The following ITGA8 variants were observed in gnomAD, a reference collection of about 807,000 sequenced individuals.
The protein encoded by ITGA8 is integrin subunit alpha 8.
Under a neutral mutation model 142.3 loss-of-function variants are expected in ITGA8, and 91 were observed. The ratio of observed to expected loss-of-function variants is 0.64; its 90% confidence interval spans 0.54 to 0.76. The LOEUF (loss-of-function observed/expected upper bound fraction) is 0.76, where lower values mean the gene tolerates loss of function less well. Among genes scored for constraint, ITGA8 ranks in the 30% least tolerant of loss-of-function variants. ITGA8 has a pLI of 0.00. For synonymous variants in ITGA8, 505 were observed against 485.2 expected, an observed-to-expected ratio of 1.04 and a Z score of -0.54; for missense variants, 1,406 against 1,327.7, an observed-to-expected ratio of 1.06 and a Z score of -0.92.
At chr10:15,577,285 T>G (rs1221767703) in intron 23 of ITGA8, among the ~76,000 whole-genome samples, 1 of 152,134 alleles carries the variant, frequency 6.6e-6, no homozygotes. Flanking sequence ...ATCATATGTA[T>G]TTGAATCTTG....
intron 23 of ITGA8, 46 bp downstream of exon 23, chr10:15,586,538 C>G (rs1420908285): frequency 1.8e-6 from 2 of 1,105,676 alleles, no homozygotes; most frequent in East Asian, 2.4e-5. Context: ...TTTATCTTAA[C>G]TCTACATACA....
At chr10:15,686,723 T>G (rs1834838371) in intron 3 of ITGA8, among the ~76,000 whole-genome samples, 1 of 152,166 alleles carries the variant, frequency 6.6e-6, no homozygotes, top group African/African-American at 2.4e-5. Flanking sequence ...CTCAAAAAAT[T>G]TAGCTTGAAA....
At chr10:15,693,538 A>G (rs1487284515) in intron 2 of ITGA8, among the ~76,000 whole-genome samples, 2 of 152,192 alleles carry the variant, frequency 1.3e-5, no homozygotes, top group East Asian at 1.9e-4. Context: ...CCCAAAGTGC[A>G]CATGACTAAC....
chr10:15,643,820 T>C (rs140502635), intron 13 of ITGA8, among the ~76,000 whole-genome samples: 38 of 152,326 alleles, frequency 2.5e-4, no homozygotes, highest in African/African-American at 8.4e-4. Flanking sequence ...TTTCTATCAT[T>C]GTCTCTTGAC....
intron 2 of ITGA8, among the ~76,000 whole-genome samples, chr10:15,707,850 A>G (rs1280373131): frequency 2.0e-5 from 3 of 151,926 alleles, no homozygotes; most frequent in African/African-American, 4.8e-5. Flanking sequence ...AGAAAAAGAA[A>G]AAAAAGATAA....
At chr10:15,693,989 G>A (rs898691576) in intron 2 of ITGA8, among the ~76,000 whole-genome samples, 2 of 151,108 alleles carry the variant, frequency 1.3e-5, no homozygotes, top group Non-Finnish European at 2.9e-5. Flanking sequence ...CCCTTAAGCT[G>A]GGATGTTGAT....
chr10:15,637,343 C>A (rs1012281880), intron 13 of ITGA8, among the ~76,000 whole-genome samples: 48 of 152,066 alleles, frequency 3.2e-4, no homozygotes, highest in African/African-American at 1.0e-3. Context: ...AGTGCAGGCA[C>A]ACACAACCCA....
At chr10:15,615,533 A>T (rs904324015) in intron 14 of ITGA8, among the ~76,000 whole-genome samples, 2 of 152,122 alleles carry the variant, frequency 1.3e-5, no homozygotes, top group African/African-American at 4.8e-5. Context: ...TTTATTTTTG[A>T]GATGGAGTCT....
intron 25 of ITGA8, among the ~76,000 whole-genome samples, chr10:15,563,290 A>G (rs1834016799): frequency 6.6e-6 from 1 of 152,202 alleles, no homozygotes; most frequent in Non-Finnish European, 1.5e-5. Flanking sequence ...ATGCCCAGTG[A>G]TGGAGGATCT....
intron 2 of ITGA8, among the ~76,000 whole-genome samples, chr10:15,706,385 C>G (rs1161535784): frequency 1.3e-5 from 2 of 151,276 alleles, no homozygotes; most frequent in East Asian, 3.9e-4. Flanking sequence ...ACCTAGTCTC[C>G]TTGCTTGCTT....
At chr10:15,534,847 GC>G (rs1195252420) in intron 27 of ITGA8, among the ~76,000 whole-genome samples, 1 of 152,208 alleles carries the variant, frequency 6.6e-6, no homozygotes, top group Non-Finnish European at 1.5e-5. Flanking sequence ...CGCCTCCTCT[GC>G]CTGGGCTCCA....
rs925225844 is a variant in ITGA8 at position 15,689,869 on chromosome 10, T to G, written c.344-1831A>C. ...GCCCTGCTGCCAGCTACTCAGAGTGTGGGCCCAGCAGAAAAGCTGAATCCA... is the reference window on the plus strand; with the variant it reads ...GCCCTGCTGCCAGCTACTCAGAGTGGGGGCCCAGCAGAAAAGCTGAATCCA... On this transcript the variant is annotated intron_variant, in intron 2 of 29. Transcript: ENST00000378076. Among the ~76,000 whole-genome samples the G allele has an allele frequency of 1.2e-4, 19 of 152,114 alleles. No individual in the cohort carries two copies. The East Asian group carries it at 3.1e-3, about 25-fold the overall frequency.
intron 8 of ITGA8, among the ~76,000 whole-genome samples, chr10:15,670,234 A>G (rs1326246523): frequency 1.3e-5 from 2 of 152,250 alleles, no homozygotes; most frequent in African/African-American, 2.4e-5. Context: ...ATACTGATTG[A>G]TGATTGACTC....
At chr10:15,707,121 C>T (rs762050391) in intron 2 of ITGA8, among the ~76,000 whole-genome samples, 2 of 152,132 alleles carry the variant, frequency 1.3e-5, no homozygotes, top group East Asian at 3.8e-4. Flanking sequence ...AAAAATAATA[C>T]CGCTCAAGAG....
Position 15,634,487 on chromosome 10 carries a change from G to T in ITGA8, c.1399+9543C>A, listed in dbSNP as rs531681312. On this transcript the variant is annotated intron_variant, in intron 13 of 29. Coordinates refer to ENST00000378076, the MANE Select transcript of ITGA8 (RefSeq NM_003638.3). ...CCAGAAAGTTGATTAACTGGGTAAG[G>T]TTACACATCCAGCCAGTGTTAGAGC... 2.0e-5 allele frequency among the ~76,000 whole-genome samples: 3 copies of T among 152,110 alleles called. No homozygotes were observed. In the South Asian group the frequency reaches 6.3e-4, roughly 32 times the overall value.
chr10:15,679,573 C>A (rs528305357), intron 4 of ITGA8, among the ~76,000 whole-genome samples: 11 of 152,300 alleles, frequency 7.2e-5, no homozygotes, highest in African/African-American at 2.6e-4. Context: ...CAGAGCAAGA[C>A]TCCAACTCAA....
rs58724602 is a variant in ITGA8, at chr10:15,683,300, T to TCCAC, written c.568+700_568+703dup. On this transcript the variant is annotated intron_variant, in intron 4 of 29. Transcript: ENST00000378076. ...ATCCATCCATCCATCCATCCACCCA[T>TCCAC]CCACCCACCCACCCACCCACCCACC... Among the ~76,000 whole-genome samples, 741 of 140,558 alleles carry TCCAC rather than the reference T, an allele frequency of 5.3e-3. 6 individuals carry two copies. The highest frequency in any genetic ancestry group is 0.019 in the African/African-American group (708 of 36,466). 92.2% of individuals were successfully genotyped at this position (140,558 alleles called of 152,430 possible).
At chr10:15,590,351 C>T (rs2131595228) in intron 22 of ITGA8, among the ~76,000 whole-genome samples, 1 of 152,310 alleles carries the variant, frequency 6.6e-6, no homozygotes, top group South Asian at 2.1e-4. Context: ...CCATCTAGAA[C>T]ACTACCTTGT....
At chr10:15,529,833 C>G (rs758689350) in intron 28 of ITGA8, among the ~76,000 whole-genome samples, 2 of 152,152 alleles carry the variant, frequency 1.3e-5, no homozygotes, top group Admixed American at 6.5e-5. Context: ...CTTGACCATG[C>G]CTAGGAATGC....
Sources: allele counts gnomAD v4.1 joint callset (sites outside exome capture counted in the v4.1 genomes callset), GRCh38; gene constraint gnomAD v4.1.1; transcripts MANE v1.5; gene names NCBI Gene and HGNC (gene_info 2026-07-23, HGNC 2026-07-21).